Variants in ADGRL2 observed in about 807,000 individuals in gnomAD.
ADGRL2 encodes the protein calcium-independent alpha-latrotoxin receptor 2.
Under a neutral mutation model 157.4 loss-of-function variants are expected in ADGRL2, and 44 were observed. The ratio of observed to expected loss-of-function variants is 0.28; its 90% CI spans 0.22 to 0.36. The LOEUF (loss-of-function observed/expected upper bound fraction) is 0.36, where lower values mean the gene tolerates loss of function less well. Ranked by LOEUF, ADGRL2 falls within the 10% of genes least tolerant of loss-of-function variation. ADGRL2 has a pLI of 1.00. For synonymous variants in ADGRL2, 585 were observed against 624.7 expected (o/e 0.94, Z 0.95); for missense variants, 1,510 against 1,768.9 (o/e 0.85, Z 2.63).
chr1:81,400,793 G>A (rs2076739415), intron 1 of ADGRL2, among the ~76,000 whole-genome samples: 1 of 152,096 alleles, frequency 6.6e-6, no homozygotes, highest in Non-Finnish European at 1.5e-5. Context: ...GGGTATCTCA[G>A]CAGTTCAGAC....
At chr1:81,390,088 A>G (rs961173408) in intron 1 of ADGRL2, among the ~76,000 whole-genome samples, 2 of 39,082 alleles carry the variant, frequency 5.1e-5, no homozygotes, top group African/African-American at 1.5e-4. Flanking sequence ...TGAGTGGTAG[A>G]CCACTCACTA....
chr1:81,900,517 G>A (rs928550234), intron 2 of ADGRL2, among the ~76,000 whole-genome samples: 1 of 130,942 alleles, frequency 7.6e-6, no homozygotes, highest in South Asian at 3.0e-4. Context: ...TGTTGTCAAT[G>A]AAAGTAAACA....
intron 1 of ADGRL2, chr1:81,722,491 T>A: frequency 6.4e-7 from 1 of 1,554,814 alleles, no homozygotes; most frequent in South Asian, 1.1e-5. Flanking sequence ...AGAAGCCAAA[T>A]GCTGCCATCC....
chr1:81,982,702 T>C (rs542148068), intron 19 of ADGRL2, among the ~76,000 whole-genome samples: 5 of 152,112 alleles, frequency 3.3e-5, no homozygotes, highest in Non-Finnish European at 7.4e-5. Flanking sequence ...AAAGCTATTA[T>C]GTTTTCAGTC....
intron 1 of ADGRL2, among the ~76,000 whole-genome samples, chr1:81,710,964 C>T (rs1217515123): frequency 5.9e-5 from 9 of 152,136 alleles, no homozygotes; most frequent in African/African-American, 1.7e-4. Flanking sequence ...AGATCTTTAA[C>T]CAATATACTA....
At chr1:81,773,504 G>A (rs1047067374) in intron 2 of ADGRL2, among the ~76,000 whole-genome samples, 3 of 152,114 alleles carry the variant, frequency 2.0e-5, no homozygotes, top group Admixed American at 6.5e-5. Context: ...GAGGCAAGTC[G>A]AAGGAAAAAG....
At chr1:81,577,196 A>G (rs1050916573) in intron 2 of ADGRL2, among the ~76,000 whole-genome samples, 29 of 152,118 alleles carry the variant, frequency 1.9e-4, no homozygotes, top group African/African-American at 6.3e-4. Context: ...ATCTCTGCTG[A>G]GTTGGAAACG....
chr1:81,778,539 TA>T (rs1249996257), intron 2 of ADGRL2, among the ~76,000 whole-genome samples: 2 of 152,142 alleles, frequency 1.3e-5, no homozygotes, highest in African/African-American at 2.4e-5. Flanking sequence ...ATAACCACCT[TA>T]AAAAATGTTG....
In ADGRL2 at chr1:81,737,756, C is replaced by G. The variant is rs564566110; in HGVS notation, c.-142-24055C>G. Among the ~76,000 whole-genome samples the G allele has an allele frequency of 3.3e-5, 5 of 152,258 alleles. No homozygotes were observed. In the South Asian group the frequency reaches 8.3e-4, roughly 25 times the overall value. ...TGCAAATAAAAGTTGATTAAATAAC[C>G]AACAGAATGGTAGCTCTGGAACTTC... On this transcript the variant is annotated intron_variant, in intron 1 of 20. Transcript: ENST00000359929.
At chr1:81,666,756 G>A (rs2082759414) in intron 3 of ADGRL2, among the ~76,000 whole-genome samples, 1 of 152,172 alleles carries the variant, frequency 6.6e-6, no homozygotes, top group African/African-American at 2.4e-5. Flanking sequence ...AATCTCAGAA[G>A]TCTGGAATCT....
chr1:81,922,781 G>A (rs749295778), intron 3 of ADGRL2, among the ~76,000 whole-genome samples: 39 of 151,988 alleles, frequency 2.6e-4, no homozygotes, highest in Admixed American at 6.6e-4. Flanking sequence ...TTTGGGAGGC[G>A]GAGGCGGGAG....
At chr1:81,905,721 A>G (rs545437785) in intron 2 of ADGRL2, among the ~76,000 whole-genome samples, 1 of 152,202 alleles carries the variant, frequency 6.6e-6, no homozygotes, top group South Asian at 2.1e-4. Flanking sequence ...CTGTTTTATT[A>G]TAGAATTGTA....
In ADGRL2 at chr1:81,581,872, GCGCACACA is replaced by G. The variant is rs1475040097; in HGVS notation, c.-143+894_-143+901del. Among the ~76,000 whole-genome samples the G allele has an allele frequency of 5.1e-3, 437 of 85,330 alleles. 6 individuals are homozygous for G. The highest frequency in any genetic ancestry group is 0.014 in the African/African-American group (320 of 23,458). 56.0% of individuals were successfully genotyped at this position (85,330 alleles called of 152,430 possible). On this transcript the variant is annotated intron_variant, in intron 3 of 24. Transcript: ENST00000370721. ...TAACCTCCCACCACCACACACATGC[GCGCACACA>G]CACACACACACACACACACACACAC...
intron 3 of ADGRL2, among the ~76,000 whole-genome samples, chr1:81,627,850 C>T (rs1207263579): frequency 6.6e-6 from 1 of 152,202 alleles, no homozygotes; most frequent in East Asian, 1.9e-4. Flanking sequence ...CTCAGCTCAG[C>T]ACAAGATGCC....
At chr1:81,930,064 A>G (rs1557934883) in intron 3 of ADGRL2, among the ~76,000 whole-genome samples, 1 of 152,298 alleles carries the variant, frequency 6.6e-6, no homozygotes, top group East Asian at 1.9e-4. Context: ...GCTTTTAAAC[A>G]CTAATCTTCC....
chr1:81,602,618 G>A (rs1236686980), intron 3 of ADGRL2, among the ~76,000 whole-genome samples: 1 of 149,722 alleles, frequency 6.7e-6, no homozygotes, highest in African/African-American at 2.5e-5. Context: ...CAAAAATTAG[G>A]CTGGACATGG....
intron 2 of ADGRL2, among the ~76,000 whole-genome samples, chr1:81,554,119 A>T (rs1428435063): frequency 2.0e-5 from 3 of 152,142 alleles, no homozygotes; most frequent in Non-Finnish European, 2.9e-5. Context: ...TTCTTCACCC[A>T]TTTTACACTA....
intron 1 of ADGRL2, among the ~76,000 whole-genome samples, chr1:81,388,925 C>T (rs754396857): frequency 1.5e-4 from 23 of 152,170 alleles, no homozygotes; most frequent in Non-Finnish European, 2.2e-4. Context: ...CCCAGCTCAA[C>T]GTAGGTAGAT....
At chr1:81,459,694 A>G (rs889097622) in intron 2 of ADGRL2, among the ~76,000 whole-genome samples, 3 of 151,548 alleles carry the variant, frequency 2.0e-5, no homozygotes, top group South Asian at 2.1e-4. Context: ...ATACATGTGT[A>G]TATATATATA....
Sources: allele counts gnomAD v4.1 joint callset (sites outside exome capture counted in the v4.1 genomes callset), GRCh38; gene constraint gnomAD v4.1.1; transcripts MANE v1.5; gene names NCBI Gene and HGNC (gene_info 2026-07-23, HGNC 2026-07-21).